Variants in RIMS2 observed in about 807,000 individuals in gnomAD.
The protein encoded by RIMS2 is regulating synaptic membrane exocytosis protein 2.
Under a neutral mutation model 174.4 loss-of-function variants are expected in RIMS2, and 59 were observed. The ratio of observed to expected loss-of-function variants is 0.34; its 90% CI spans 0.27 to 0.42. The LOEUF is 0.42. Ranked by LOEUF, RIMS2 falls within the 10% of genes least tolerant of loss-of-function variation. RIMS2 has a pLI of 1.00. For missense variants in RIMS2, 1,620 were observed against 1,666.3 expected (o/e 0.97, Z 0.48); for synonymous variants, 606 against 572.5 (o/e 1.06, Z -0.84).
Position 104,014,616 on chromosome 8 carries a change from G to A in RIMS2, c.3334+1G>A. On this transcript the variant is annotated splice_donor_variant, in intron 19 of 23. Transcript: ENST00000504942. LOFTEE classifies it high-confidence loss of function. Reference sequence around the variant, plus strand: ...CCACCAAAGGGAACGTTGGATAGAAGTAAGTTTTATTTCTAATTGTCTCGT... The same window carrying A: ...CCACCAAAGGGAACGTTGGATAGAAATAAGTTTTATTTCTAATTGTCTCGT... 6.3e-7 allele frequency: 1 copy of A among 1,582,176 alleles called. No individual in the cohort carries two copies. The highest frequency in any genetic ancestry group is 8.7e-7 in the Non-Finnish European group (1 of 1,151,314).
chr8:103,668,894 G>C (rs1419206253), intron 1 of RIMS2, among the ~76,000 whole-genome samples: 1 of 152,036 alleles, frequency 6.6e-6, no homozygotes, highest in Non-Finnish European at 1.5e-5. Context: ...ACAGGTGACT[G>C]TCCAGCCTCT....
chr8:103,641,425 G>C (rs896592689), intron 1 of RIMS2, among the ~76,000 whole-genome samples: 15 of 152,002 alleles, frequency 9.9e-5, no homozygotes, highest in Non-Finnish European at 1.9e-4. Flanking sequence ...ATAGATTATT[G>C]TAAACTATTA....
intron 1 of RIMS2, among the ~76,000 whole-genome samples, chr8:103,574,037 A>G (rs1486858764): frequency 1.3e-5 from 2 of 150,074 alleles, no homozygotes; most frequent in Non-Finnish European, 3.0e-5. Context: ...TGCATCTTAC[A>G]TGTTCCCGAT....
At chr8:103,737,175 C>CTTTT (rs554949027) in intron 2 of RIMS2, among the ~76,000 whole-genome samples, 3 of 67,512 alleles carry the variant, frequency 4.4e-5, no homozygotes, top group African/African-American at 6.2e-5. Flanking sequence ...TTTCTTTGTT[C>CTTTT]TTTTTTTTTT....
intron 2 of RIMS2, among the ~76,000 whole-genome samples, chr8:103,731,299 T>C (rs2097591031): frequency 6.6e-6 from 1 of 152,296 alleles, no homozygotes; most frequent in South Asian, 2.1e-4. Context: ...GTCTATAAGG[T>C]TTCCACTGAG....
chr8:103,625,904 T>C (rs762552682), intron 1 of RIMS2, among the ~76,000 whole-genome samples: 4 of 151,686 alleles, frequency 2.6e-5, no homozygotes, highest in African/African-American at 7.3e-5. Flanking sequence ...TGTATGTGTG[T>C]ATATATTATA....
At chr8:103,709,232 A>G (rs2137855993) in intron 2 of RIMS2, among the ~76,000 whole-genome samples, 1 of 152,210 alleles carries the variant, frequency 6.6e-6, no homozygotes. Context: ...AACTTTAAAA[A>G]CATGTAGAAT....
chr8:103,917,043 T>G (rs13278444), intron 8 of RIMS2, among the ~76,000 whole-genome samples: 31,611 of 152,108 alleles, frequency 0.21, 3,463 homozygotes, highest in South Asian at 0.32. Context: ...TGTTTTATAA[T>G]GCCTATGCAT....
At chr8:103,788,249 C>T (rs1762893084) in intron 3 of RIMS2, among the ~76,000 whole-genome samples, 1 of 151,198 alleles carries the variant, frequency 6.6e-6, no homozygotes. Flanking sequence ...ATTTGATCGT[C>T]TGAAGCTTTC....
At chr8:104,126,186 T>C (rs1166180633) in intron 19 of RIMS2, among the ~76,000 whole-genome samples, 1 of 152,170 alleles carries the variant, frequency 6.6e-6, no homozygotes, top group Non-Finnish European at 1.5e-5. Context: ...TAATGAAAAT[T>C]AATAAAAGTT....
chr8:103,508,768 A>G (rs963585246), intron 1 of RIMS2, among the ~76,000 whole-genome samples: 1 of 152,120 alleles, frequency 6.6e-6, no homozygotes, highest in Non-Finnish European at 1.5e-5. Context: ...ACAGTAATCC[A>G]GGTAATAAAT....
At chr8:104,234,392 G>A (rs775106377) in intron 19 of RIMS2, among the ~76,000 whole-genome samples, 7 of 151,824 alleles carry the variant, frequency 4.6e-5, no homozygotes, top group Non-Finnish European at 1.0e-4. Flanking sequence ...GTGGACTGAT[G>A]CATGATCAAG....
At chr8:104,111,990 T>G (rs1015603033) in intron 19 of RIMS2, among the ~76,000 whole-genome samples, 1 of 152,212 alleles carries the variant, frequency 6.6e-6, no homozygotes, top group African/African-American at 2.4e-5. Flanking sequence ...CATTTCCAGG[T>G]TGGTTTTACA....
chr8:104,245,316 A>G (rs2099325122), intron 20 of RIMS2, among the ~76,000 whole-genome samples: 1 of 152,236 alleles, frequency 6.6e-6, no homozygotes, highest in Non-Finnish European at 1.5e-5. Flanking sequence ...TTACAATGCA[A>G]TGCAAATAAA....
chr8:103,547,570 A>G (rs1402445633), intron 1 of RIMS2, among the ~76,000 whole-genome samples: 2 of 152,200 alleles, frequency 1.3e-5, no homozygotes, highest in African/African-American at 2.4e-5. Context: ...AAGATTTTAA[A>G]TTAACAGCCT....
At chr8:104,229,336 G>C (rs2139116508) in intron 19 of RIMS2, among the ~76,000 whole-genome samples, 1 of 150,628 alleles carries the variant, frequency 6.6e-6, no homozygotes, top group African/African-American at 2.5e-5. Flanking sequence ...GTTTTTGATT[G>C]GGGAGGAGGG....
At chr8:103,975,685 C>G (rs537132934) in intron 16 of RIMS2, 179 bp downstream of exon 18, 1 of 504,764 alleles carries the variant, frequency 2.0e-6, no homozygotes, top group South Asian at 3.0e-5. Context: ...AGGGAGAAGC[C>G]AGTAGTGGCT....
intron 2 of RIMS2, among the ~76,000 whole-genome samples, chr8:103,718,223 A>G (rs1336041963): frequency 6.7e-6 from 1 of 150,354 alleles, no homozygotes; most frequent in Admixed American, 6.6e-5. Flanking sequence ...ATCAAGGGAA[A>G]ATATCTAGAT....
chr8:104,002,670 T>C lies in RIMS2; in HGVS notation c.3045-10772T>C, dbSNP rs76413488. Among the ~76,000 whole-genome samples the C allele has an allele frequency of 8.5e-3, 1,294 of 152,272 alleles. 19 individuals carry two copies. Among genetic ancestry groups the C allele is most frequent in the African/African-American group, 0.029 (1,218 of 41,558 alleles). ...GGCCATAGTTTGGCTATATGATATCTGGAACTTTCTAAATGAATGGGATGA... is the reference window on the plus strand; with the variant it reads ...GGCCATAGTTTGGCTATATGATATCCGGAACTTTCTAAATGAATGGGATGA... On this transcript the variant is annotated intron_variant, in intron 17 of 23. Coordinates refer to ENST00000504942, the Ensembl canonical transcript of RIMS2.
Sources: gnomAD v4.1 joint callset for allele counts (sites outside exome capture counted in the v4.1 genomes callset) on GRCh38, gnomAD v4.1.1 for gene constraint, MANE v1.5 for transcripts, NCBI Gene and HGNC (gene_info 2026-07-23, HGNC 2026-07-21) for gene names.